THNSL1: variants seen among roughly 807,000 people sequenced by gnomAD.
The protein encoded by THNSL1 is threonine synthase-like 1.
Under a neutral mutation model 50.4 loss-of-function variants are expected in THNSL1, and 48 were observed. That is an observed-to-expected ratio of 0.95 (90% CI 0.76 to 1.21). THNSL1 has a LOEUF of 1.21. Among genes scored for constraint, THNSL1 ranks in the 50% most tolerant of loss-of-function variants. The probability of loss-of-function intolerance (pLI) is 0.00; values close to 1 mark genes in which losing one functional copy is unlikely to be tolerated. For synonymous variants in THNSL1, 309 were observed against 306.1 expected (o/e 1.01, Z -0.10); for missense variants, 896 against 871.7 (o/e 1.03, Z -0.35).
the THNSL1 span, chr10:24,982,915 C>T: frequency 6.6e-6 from 1 of 152,188 alleles, no homozygotes; most frequent in African/African-American, 2.4e-5. Context: ...TAAGGCAACT[C>T]CCACTCATGA....
the THNSL1 span, among the ~76,000 whole-genome samples, chr10:24,996,492 G>C: frequency 6.6e-6 from 1 of 151,666 alleles, no homozygotes; most frequent in East Asian, 1.9e-4. Flanking sequence ...TAAATACAAG[G>C]AAGAAGTATT....
chr10:24,997,493 C>A, the THNSL1 span, among the ~76,000 whole-genome samples: 2 of 151,016 alleles, frequency 1.3e-5, no homozygotes, highest in African/African-American at 4.9e-5. Flanking sequence ...CTCAGGTGAT[C>A]CTCCCACCTG....
the THNSL1 span, chr10:24,995,879 A>G: frequency 6.3e-7 from 1 of 1,591,156 alleles, no homozygotes; most frequent in Non-Finnish European, 8.5e-7. Flanking sequence ...TCTGTTAAAT[A>G]TAACATTTCT....
Position 25,025,816 on chromosome 10 carries a change from GTAAC to G in THNSL1, c.*364_*367del, listed in dbSNP as rs1187525725. 1 of 195,304 alleles carries G rather than the reference GTAAC, an allele frequency of 5.1e-6. No homozygotes were observed. Among genetic ancestry groups the G allele is most frequent in the Non-Finnish European group, 1.2e-5 (1 of 85,964 alleles). The allele number at this position is 195,304 out of a possible 1,614,324, so 12.1% of individuals were successfully genotyped here. A position where few individuals can be genotyped will look rare whatever the true frequency, so the allele number is the denominator to read the frequency against. On this transcript the variant is annotated 3_prime_UTR_variant, in exon 3 of 3. Transcript: ENST00000376356. ...AGCCCAGTTTTCAGGTACTACATCT[GTAAC>G]TAGTGAATACTCTGTTGATTAGAAA...
At chr10:25,007,691 C>A in the THNSL1 span, among the ~76,000 whole-genome samples, 1 of 152,136 alleles carries the variant, frequency 6.6e-6, no homozygotes, top group African/African-American at 2.4e-5. Flanking sequence ...GCCTCGGCCT[C>A]CCAAAGTGCT....
chr10:24,985,644 T>G, the THNSL1 span, among the ~76,000 whole-genome samples: 2 of 152,262 alleles, frequency 1.3e-5, no homozygotes, highest in Non-Finnish European at 2.9e-5. Context: ...AAGTTATTTC[T>G]GTTTCTGCAT....
the THNSL1 span, among the ~76,000 whole-genome samples, chr10:24,985,913 C>CA: frequency 6.6e-6 from 1 of 152,028 alleles, no homozygotes; most frequent in African/African-American, 2.4e-5. Context: ...ACAAAAAATA[C>CA]AAAAAATAGC....
chr10:24,982,853 C>T, the THNSL1 span: 1 of 152,300 alleles, frequency 6.6e-6, no homozygotes, highest in South Asian at 2.1e-4. Context: ...TAGACATTTA[C>T]AGAAAGCAAA....
At chr10:24,964,007 C>T in the THNSL1 span, among the ~76,000 whole-genome samples, 1 of 152,168 alleles carries the variant, frequency 6.6e-6, no homozygotes, top group Non-Finnish European at 1.5e-5. Flanking sequence ...ATCAGGGTTT[C>T]CCAATATTAG....
upstream of THNSL1, among the ~76,000 whole-genome samples, chr10:25,013,757 C>A (rs574072810): frequency 7.9e-5 from 12 of 151,998 alleles, no homozygotes; most frequent in South Asian, 1.2e-3. Context: ...AGCCTGGCCA[C>A]CATGGTGAAA....
the THNSL1 span, among the ~76,000 whole-genome samples, chr10:24,975,245 C>T: frequency 6.6e-6 from 1 of 152,310 alleles, no homozygotes; most frequent in East Asian, 1.9e-4. Flanking sequence ...GTGGGAATTG[C>T]ACAAGATTAA....
the THNSL1 span, among the ~76,000 whole-genome samples, chr10:24,955,875 A>G: frequency 6.6e-6 from 1 of 152,088 alleles, no homozygotes; most frequent in Admixed American, 6.6e-5. Flanking sequence ...TGAGGCCAGA[A>G]GTTTGAGGCT....
the THNSL1 span, chr10:24,990,597 T>C: frequency 6.3e-7 from 1 of 1,599,082 alleles, no homozygotes; most frequent in Admixed American, 1.8e-5. Context: ...TATTCAGGTG[T>C]GACACCATAA....
chr10:25,020,677 G>C (rs1160047570), intron 1 of THNSL1, among the ~76,000 whole-genome samples: 1 of 151,754 alleles, frequency 6.6e-6, no homozygotes, highest in Non-Finnish European at 1.5e-5. Flanking sequence ...GGAGGTTGAG[G>C]CTGCAGTGAG....
At chr10:24,974,279 T>TA in the THNSL1 span, among the ~76,000 whole-genome samples, 173 of 151,778 alleles carry the variant, frequency 1.1e-3, no homozygotes, top group African/African-American at 1.7e-3. Flanking sequence ...ATGTGATTTT[T>TA]AAAAAAAAAT....
At chr10:24,968,048 A>G in the THNSL1 span, among the ~76,000 whole-genome samples, 4 of 150,212 alleles carry the variant, frequency 2.7e-5, no homozygotes, top group African/African-American at 9.9e-5. Context: ...GGCTGCTGGT[A>G]GTCCTGGCCA....
At chr10:24,996,454 G>GTATATATATATA in the THNSL1 span, among the ~76,000 whole-genome samples, 196 of 149,484 alleles carry the variant, frequency 1.3e-3, no homozygotes, top group South Asian at 5.8e-3. Flanking sequence ...GTGTGTGTGT[G>GTATATATATATA]TGTATATATA....
chr10:24,960,552 G>A, the THNSL1 span, among the ~76,000 whole-genome samples: 12 of 151,678 alleles, frequency 7.9e-5, no homozygotes, highest in Non-Finnish European at 1.8e-4. Context: ...TCAGCCACCC[G>A]AGAAGCTGGG....
At chr10:25,015,995 A>G, upstream of THNSL1, 1 of 1,566,922 alleles carries the variant, frequency 6.4e-7, no homozygotes, top group Non-Finnish European at 8.6e-7. Context: ...CTGTCCCAGT[A>G]TCTCCGTCCC....
Sources: allele counts gnomAD v4.1 joint callset (sites outside exome capture counted in the v4.1 genomes callset), GRCh38; gene constraint gnomAD v4.1.1; transcripts MANE v1.5; gene names NCBI Gene and HGNC (gene_info 2026-07-23, HGNC 2026-07-21).